The following DHRSX variants were observed in gnomAD, a reference collection of about 807,000 sequenced individuals.
DHRSX encodes dehydrogenase/reductase X-linked, also known as polyprenol dehydrogenase.
A neutral mutation model predicts 34.0 loss-of-function variants in DHRSX; 31 were observed. That is an observed-to-expected ratio of 0.91 (90% CI 0.69 to 1.23). The LOEUF is 1.23. DHRSX is among the 50% of genes most tolerant of loss of function. DHRSX has a pLI of 0.00. For synonymous variants in DHRSX, 201 were observed against 183.8 expected, an observed-to-expected ratio of 1.09 and a Z score of -0.76; for missense variants, 414 against 428.1, an observed-to-expected ratio of 0.97 and a Z score of 0.29.
chrX:2,358,779 G>C (rs2042889592), intron 3 of DHRSX, among the ~76,000 whole-genome samples: 1 of 152,028 alleles, frequency 6.6e-6, no homozygotes, highest in South Asian at 2.1e-4. Context: ...GATGTGCTTT[G>C]CTTATGCATA....
chrX:2,390,180 G>A lies in DHRSX; in HGVS notation c.286+18565C>T, dbSNP rs1259958112. ...TTTTTTTTAATGGAGCTTTGCTCTT[G>A]TTGCCCATCCTGGAGTGTAATAGCG... On this transcript the variant is annotated intron_variant, in intron 3 of 6. Coordinates refer to ENST00000334651, the MANE Select transcript of DHRSX (RefSeq NM_145177.3). 5.4e-5 allele frequency among the ~76,000 whole-genome samples: 5 copies of A among 91,772 alleles called. No individual in the cohort carries two copies. In the East Asian group the frequency reaches 1.4e-3, roughly 25 times the overall value. The allele number at this position is 91,772 out of a possible 152,430, so 60.2% of individuals were successfully genotyped here. A position where few individuals can be genotyped will look rare whatever the true frequency, so the allele number is the denominator to read the frequency against.
At chrX:2,491,678 C>T (rs1380022670) in intron 1 of DHRSX, among the ~76,000 whole-genome samples, 10 of 152,214 alleles carry the variant, frequency 6.6e-5, no homozygotes, top group Admixed American at 3.9e-4. Context: ...CCATGTGGAA[C>T]GTCACAGGTG....
Position 2,284,346 on chromosome X carries a change from T to G in DHRSX, c.388+7156A>C, listed in dbSNP as rs149447970. On this transcript the variant is annotated intron_variant, in intron 4 of 6. Coordinates refer to ENST00000334651, the MANE Select transcript of DHRSX (RefSeq NM_145177.3). ...CATTCCTCTGAATTCATTCATTCAT[T>G]TGAATTCTTTCATTCATTCATTCAC... Among the ~76,000 whole-genome samples the G allele has an allele frequency of 9.7e-4, 115 of 118,718 alleles. 3 individuals carry two copies. In the East Asian group the frequency reaches 0.021, roughly 21 times the overall value. 77.9% of individuals were successfully genotyped at this position (118,718 alleles called of 152,430 possible). A position where few individuals can be genotyped will look rare whatever the true frequency, so the allele number is the denominator to read the frequency against.
intron 3 of DHRSX, among the ~76,000 whole-genome samples, chrX:2,312,655 G>A (rs914684532): frequency 8.6e-5 from 13 of 151,956 alleles, no homozygotes; most frequent in African/African-American, 2.9e-4. Context: ...ACCATGGCAC[G>A]TGTATACCTA....
chrX:2,331,733 A>C (rs2042481223), intron 3 of DHRSX, among the ~76,000 whole-genome samples: 1 of 152,084 alleles, frequency 6.6e-6, no homozygotes, highest in African/African-American at 2.4e-5. Context: ...TACAGGCGTG[A>C]GCCACCACGC....
intron 3 of DHRSX, among the ~76,000 whole-genome samples, chrX:2,347,477 T>C (rs1178945401): frequency 6.6e-6 from 1 of 152,200 alleles, no homozygotes; most frequent in African/African-American, 2.4e-5. Context: ...GTGGATCACC[T>C]GAGCTCAGGA....
chrX:2,433,352 A>C (rs1159019333), intron 1 of DHRSX, among the ~76,000 whole-genome samples: 3 of 152,126 alleles, frequency 2.0e-5, no homozygotes, highest in Non-Finnish European at 4.4e-5. Context: ...TCTCCTTTAT[A>C]TCTAATAACA....
intron 3 of DHRSX, among the ~76,000 whole-genome samples, chrX:2,356,716 G>A (rs1472847243): frequency 2.0e-5 from 3 of 152,180 alleles, no homozygotes; most frequent in Non-Finnish European, 4.4e-5. Context: ...TGAAGATGAT[G>A]AGGATGAAGA....
intron 1 of DHRSX, among the ~76,000 whole-genome samples, chrX:2,449,643 G>A (rs920232644): frequency 2.6e-5 from 4 of 151,852 alleles, no homozygotes; most frequent in South Asian, 4.2e-4. Context: ...CCACACACGC[G>A]TGCCACCACA....
chrX:2,452,134 C>G (rs7885495), intron 1 of DHRSX, among the ~76,000 whole-genome samples: 3 of 150,888 alleles, frequency 2.0e-5, no homozygotes, highest in South Asian at 4.2e-4. Flanking sequence ...CAAGGGACTG[C>G]CGCCGTGTAC....
chrX:2,476,472 T>C, intron 1 of DHRSX, among the ~76,000 whole-genome samples: 1 of 148,982 alleles, frequency 6.7e-6, no homozygotes, highest in East Asian at 2.0e-4. Flanking sequence ...GTGAAAAAAA[T>C]ATCTGTAATA....
chrX:2,411,554 CA>C (rs774788900), intron 2 of DHRSX, among the ~76,000 whole-genome samples: 452 of 55,532 alleles, frequency 8.1e-3, no homozygotes, highest in East Asian at 0.02. Flanking sequence ...AACTCTGTCC[CA>C]AAAAAAAAAA....
intron 1 of DHRSX, among the ~76,000 whole-genome samples, chrX:2,474,052 G>T (rs1198100727): frequency 1.3e-5 from 2 of 151,992 alleles, no homozygotes; most frequent in African/African-American, 4.8e-5. Flanking sequence ...GCCTGGGATG[G>T]GCGGTGACAG....
At chrX:2,225,408 ACATT>A in intron 6 of DHRSX, among the ~76,000 whole-genome samples, 1 of 152,224 alleles carries the variant, frequency 6.6e-6, no homozygotes, top group East Asian at 1.9e-4. Flanking sequence ...ATCCACGTGT[ACATT>A]CACATACTCA....
Position 2,393,912 on chromosome X carries a change from G to A in DHRSX, c.286+14833C>T, listed in dbSNP as rs184077155. 3.3e-3 allele frequency among the ~76,000 whole-genome samples: 501 copies of A among 150,626 alleles called. 2 individuals carry two copies. The highest frequency in any genetic ancestry group is 5.8e-3 in the Non-Finnish European group (395 of 67,574). On this transcript the variant is annotated intron_variant, in intron 3 of 6. Coordinates refer to ENST00000334651, the MANE Select transcript of DHRSX (RefSeq NM_145177.3). Reference sequence around the variant, plus strand: ...GGACCTCCCTGTCTCCTGCACACACGACACACAGTGACCTGCCCGTCTCCT... The same window carrying A: ...GGACCTCCCTGTCTCCTGCACACACAACACACAGTGACCTGCCCGTCTCCT...
At chrX:2,251,604 C>T (rs1369152559) in intron 5 of DHRSX, among the ~76,000 whole-genome samples, 3 of 152,138 alleles carry the variant, frequency 2.0e-5, no homozygotes, top group Non-Finnish European at 4.4e-5. Flanking sequence ...GACCCTGTCC[C>T]CTTTGTTCGC....
intron 3 of DHRSX, among the ~76,000 whole-genome samples, chrX:2,298,600 GTACACACACA>G (rs1406851970): frequency 4.4e-5 from 2 of 45,304 alleles, no homozygotes; most frequent in Non-Finnish European, 7.5e-5. Flanking sequence ...AGGCGCGTGT[GTACACACACA>G]CACACACACA....
intron 3 of DHRSX, among the ~76,000 whole-genome samples, chrX:2,333,337 G>A (rs1046840136): frequency 2.0e-5 from 3 of 152,124 alleles, no homozygotes; most frequent in African/African-American, 4.8e-5. Flanking sequence ...GAGTCCATGT[G>A]CAGGTTTGTT....
chrX:2,436,962 T>A (rs1256140613), intron 1 of DHRSX, among the ~76,000 whole-genome samples: 1 of 152,054 alleles, frequency 6.6e-6, no homozygotes, highest in Non-Finnish European at 1.5e-5. Context: ...AAGAGGTTCC[T>A]GAACTTTACT....
Sources: gnomAD v4.1 joint callset for allele counts (sites outside exome capture counted in the v4.1 genomes callset) on GRCh38, gnomAD v4.1.1 for gene constraint, MANE v1.5 for transcripts, NCBI Gene and HGNC (gene_info 2026-07-23, HGNC 2026-07-21) for gene names.